Variants in PIK3C2B observed in about 807,000 individuals in gnomAD.
PIK3C2B encodes the protein phosphatidylinositol 4-phosphate 3-kinase C2 domain-containing subunit beta.
Under a neutral mutation model 184.3 loss-of-function variants are expected in PIK3C2B, and 83 were observed. That is an observed-to-expected ratio of 0.45 (90% CI 0.38 to 0.54). The LOEUF is 0.54. PIK3C2B is among the 20% of genes least tolerant of loss of function. PIK3C2B has a pLI of 0.00. For missense variants in PIK3C2B, 1,736 were observed against 2,113.5 expected (o/e 0.82, Z 3.50); for synonymous variants, 779 against 837.6 (o/e 0.93, Z 1.21).
intron 26 of PIK3C2B, among the ~76,000 whole-genome samples, 163 bp from the exon 27 acceptor site, chr1:204,432,564 A>G (rs965251564): frequency 2.0e-5 from 3 of 152,178 alleles, no homozygotes; most frequent in African/African-American, 7.2e-5. Flanking sequence ...CTGGCACACA[A>G]TAATCTCATG....
In PIK3C2B at chr1:204,445,983, T is replaced by G. The variant is rs1252529098; in HGVS notation, c.2651A>C (p.Gln884Pro). ...GGCATGCAGGAGCCCCAGGGCATCC[T>G]GGTGGTTCATGTGGGTCCACTGCTT... Reference protein sequence around the residue: ...LLKQWTHMNHQDALGLLHATF... With the variant: ...LLKQWTHMNHPDALGLLHATF... Residue 884 changes from glutamine to proline, a missense_variant, in exon 16 of 33, where the codon CAG becomes CCG. Physicochemically the swap from Gln to Pro is moderately conservative, Grantham distance 76. Around this residue, in one of 8 missense-constraint regions of PIK3C2B, gnomAD observed 609 missense variants for 699.2 expected, o/e 0.87. Coordinates refer to ENST00000684373, the MANE Select transcript of PIK3C2B (RefSeq NM_001377334.1). The G allele has an allele frequency of 6.4e-7, 1 of 1,559,504 alleles. No individual in the cohort carries two copies.
chr1:204,477,093 T>C (rs1438007057), intron 1 of PIK3C2B, among the ~76,000 whole-genome samples: 1 of 152,214 alleles, frequency 6.6e-6, no homozygotes, highest in African/African-American at 2.4e-5. Context: ...CATTCTCCTA[T>C]GTAAAACACA....
chr1:204,466,763 C>T, intron 2 of PIK3C2B: 1 of 488,852 alleles, frequency 2.0e-6, no homozygotes, highest in Non-Finnish European at 4.2e-6. Context: ...AAAACAAAAG[C>T]CACTTACGTT....
At chr1:204,425,771 T>A in intron 31 of PIK3C2B, 30 bp from the exon 32 acceptor site, 1 of 1,605,184 alleles carries the variant, frequency 6.2e-7, no homozygotes, top group Non-Finnish European at 8.5e-7. Context: ...AAAAAAATGT[T>A]AAGATTTTTA....
intron 12 of PIK3C2B, among the ~76,000 whole-genome samples, chr1:204,453,204 A>C (rs2103493649): frequency 6.6e-6 from 1 of 152,240 alleles, no homozygotes; most frequent in Non-Finnish European, 1.5e-5. Context: ...TGGGGAAGCA[A>C]AGCCGGGGGC....
At chr1:204,472,755 G>C (rs1264525702) in intron 1 of PIK3C2B, among the ~76,000 whole-genome samples, 2 of 152,084 alleles carry the variant, frequency 1.3e-5, no homozygotes, top group Non-Finnish European at 2.9e-5. Context: ...ACTCCAGCTT[G>C]GGCAACAAGA....
chr1:204,460,217 C>A (rs1655212598), intron 7 of PIK3C2B, 107 bp downstream of exon 7: 1 of 901,648 alleles, frequency 1.1e-6, no homozygotes. Flanking sequence ...CAACCCCTGA[C>A]ACCTGCAAGA....
At chr1:204,462,768 A>G (rs763357285) in intron 5 of PIK3C2B, among the ~76,000 whole-genome samples, 6 of 152,202 alleles carry the variant, frequency 3.9e-5, no homozygotes, top group Non-Finnish European at 7.3e-5. Flanking sequence ...AAATAAGCCC[A>G]GATAGCTGGG....
At position 204,480,422 on chromosome 1, in the gene PIK3C2B, G is replaced by A. The variant is rs74703783; in HGVS notation, c.-84-10536C>T. On this transcript the variant is annotated intron_variant, in intron 1 of 32. Coordinates refer to ENST00000684373, the MANE Select transcript of PIK3C2B (RefSeq NM_001377334.1). Reference sequence around the variant, plus strand: ...CTCCTACTGGAGCTGTTCCAGAGTTGGGAAAAGATTGTAGACCCGATGAAG... The same window carrying A: ...CTCCTACTGGAGCTGTTCCAGAGTTAGGAAAAGATTGTAGACCCGATGAAG... Among the ~76,000 whole-genome samples the A allele has an allele frequency of 8.7e-3, 1,327 of 152,204 alleles. 23 individuals carry two copies. The highest frequency in any genetic ancestry group is 0.029 in the African/African-American group (1,196 of 41,530).
rs1396414595 is a variant in PIK3C2B at position 204,440,279 on chromosome 1, T to C, written c.3292A>G (p.Ile1098Val). ...ACCCAGATCTTGCTCATGATGCGAA[T>C]CATCTGCAGCGTTAGCATGTCCTGG... Reference protein sequence around the residue: ...LRQDMLTLQMIRIMSKIWVQE... With the variant: ...LRQDMLTLQMVRIMSKIWVQE... Residue 1098 changes from isoleucine to valine, a missense_variant, in exon 22 of 33, where the codon ATT becomes GTT. By Grantham distance (29) the Ile-to-Val change is conservative. Around this residue, in one of 8 missense-constraint regions of PIK3C2B, gnomAD observed 289 missense variants for 380.4 expected, o/e 0.76. Coordinates refer to ENST00000684373, the MANE Select transcript of PIK3C2B (RefSeq NM_001377334.1). The C allele has an allele frequency of 1.2e-5, 20 of 1,609,342 alleles. No individual in the cohort carries two copies. The highest frequency in any genetic ancestry group is 1.6e-5 in the Non-Finnish European group (19 of 1,177,678).
At chr1:204,428,431 TATA>T (rs1220528223) in intron 29 of PIK3C2B, among the ~76,000 whole-genome samples, 3 of 152,216 alleles carry the variant, frequency 2.0e-5, no homozygotes, top group African/African-American at 7.2e-5. Flanking sequence ...GACTGGATAA[TATA>T]ATAATACTGT....
At chr1:204,431,458 A>G (rs1675049740) in intron 28 of PIK3C2B, 1 of 595,670 alleles carries the variant, frequency 1.7e-6, no homozygotes, top group Non-Finnish European at 3.0e-6. Context: ...CTTTCTGGCC[A>G]GTGGGCCTGG....
chr1:204,428,119 T>C lies in PIK3C2B; in HGVS notation c.4480+20A>G. 1 of 1,472,290 alleles carries C rather than the reference T, an allele frequency of 6.8e-7. No individual in the cohort carries two copies. The highest frequency in any genetic ancestry group is 9.5e-7 in the Non-Finnish European group (1 of 1,051,626). 91.2% of individuals were successfully genotyped at this position (1,472,290 alleles called of 1,614,324 possible). A position where few individuals can be genotyped will look rare whatever the true frequency, so the allele number is the denominator to read the frequency against. ...TAGTTCAGAGGAGTTGGCAGTAAGGTCTCAGAGAAGATACTGTACCTGAGG... is the reference window on the plus strand; with the variant it reads ...TAGTTCAGAGGAGTTGGCAGTAAGGCCTCAGAGAAGATACTGTACCTGAGG... On this transcript the variant is annotated intron_variant, in intron 30 of 32. Coordinates refer to ENST00000684373, the MANE Select transcript of PIK3C2B (RefSeq NM_001377334.1).
At chr1:204,444,445 C>T in intron 16 of PIK3C2B, 21 bp from the exon 17 acceptor site, 2 of 1,583,360 alleles carry the variant, frequency 1.3e-6, no homozygotes, top group East Asian at 4.5e-5. Flanking sequence ...GAGCCCAGTG[C>T]CCTGACAACC....
In PIK3C2B at chr1:204,447,792, A is replaced by G. The variant is rs1278430716; in HGVS notation, c.2347-214T>C. Among the ~76,000 whole-genome samples, 1 of 152,230 alleles carries G rather than the reference A, an allele frequency of 6.6e-6. No individual in the cohort carries two copies. The highest frequency in any genetic ancestry group is 1.5e-5 in the Non-Finnish European group (1 of 68,044). On this transcript the variant is annotated intron_variant, in intron 14 of 32. Transcript: ENST00000684373. This position sits in a 1 kb window ranked among gnomAD's most constrained non-coding sequence, Gnocchi z 4.1. ...AGAGGGAAACAAAAAGAGAAAAAGA[A>G]TGGACATGTGAGGAAGAGGTTCGGT... is the stretch of plus-strand genomic sequence containing the variant.
At chr1:204,457,975 T>C (rs890467530) in intron 8 of PIK3C2B, 101 bp from the exon 9 acceptor site, 4 of 1,010,180 alleles carry the variant, frequency 4.0e-6, no homozygotes, top group African/African-American at 3.3e-5. Context: ...TTGGGAAGAG[T>C]AGAGAGATTC....
chr1:204,466,620 G>A, intron 2 of PIK3C2B: 1 of 363,882 alleles, frequency 2.7e-6, no homozygotes, highest in South Asian at 2.2e-5. Flanking sequence ...AGAGAAAGGA[G>A]AGAGAGAGGA....
At chr1:204,468,569 C>A (rs1224641434) in intron 2 of PIK3C2B, among the ~76,000 whole-genome samples, 3 of 152,228 alleles carry the variant, frequency 2.0e-5, no homozygotes, top group African/African-American at 7.2e-5. Flanking sequence ...CCAATTCAGT[C>A]CTTACATCAG....
intron 30 of PIK3C2B, 32 bp downstream of exon 30, chr1:204,428,107 T>C (rs771975709): frequency 2.3e-6 from 3 of 1,313,174 alleles, no homozygotes; most frequent in Non-Finnish European, 3.3e-6. Context: ...TTCAGAGGAG[T>C]TGGCAGTAAG....
Sources: gnomAD v4.1 joint callset for allele counts (sites outside exome capture counted in the v4.1 genomes callset) on GRCh38, gnomAD v4.1.1 for gene constraint, gnomAD v4.1.1 regional missense constraint, Gnocchi (gnomAD v3.1) non-coding constraint, MANE v1.5 for transcripts, NCBI Gene and HGNC (gene_info 2026-07-23, HGNC 2026-07-21) for gene names.